SYNE1: variants seen among roughly 807,000 people sequenced by gnomAD.
SYNE1 encodes spectrin repeat containing nuclear envelope protein 1.
A neutral mutation model predicts 1,111.0 loss-of-function variants in SYNE1; 616 were observed. The ratio of observed to expected loss-of-function variants is 0.55; its 90% CI spans 0.52 to 0.59. SYNE1 has a LOEUF of 0.59. SYNE1 is among the 20% of genes least tolerant of loss of function. The pLI is 0.00. For synonymous variants in SYNE1, 3,855 were observed against 3,825.8 expected, an observed-to-expected ratio of 1.01 and a Z score of -0.28; for missense variants, 10,006 against 10,417.0, an observed-to-expected ratio of 0.96 and a Z score of 1.72.
chr6:152,562,750 A>G (rs1340142930), intron 3 of SYNE1, among the ~76,000 whole-genome samples: 1 of 152,226 alleles, frequency 6.6e-6, no homozygotes. Context: ...ATGTATACCT[A>G]TGTAACAAAC....
chr6:152,386,960 T>A, intron 54 of SYNE1, 112 bp downstream of exon 54: 2 of 940,472 alleles, frequency 2.1e-6, no homozygotes, highest in Non-Finnish European at 3.0e-6. Context: ...AACAATTTAA[T>A]CCACAGTTTC....
At position 152,244,593 on chromosome 6, in the gene SYNE1, G is replaced by A. The variant is rs369420729; in HGVS notation, c.19636C>T (p.Arg6546Cys). Residue 6546 changes from arginine to cysteine, a missense_variant, in exon 106 of 146, where the codon CGT (arginine) becomes TGT (cysteine). Around this residue, in one of 7 missense-constraint regions of SYNE1, gnomAD observed 2,182 missense variants for 2,287.8 expected, o/e 0.95. Coordinates refer to ENST00000367255, the MANE Select transcript of SYNE1 (RefSeq NM_182961.4). ...TGCTCGACCTGTAGCTTGTCACCAC[G>A]CCTCTTTAATTCAATGATTCCTGCA... ...FDAGIIELKRRGDKLQVEQPS... is the reference protein window; with the variant it reads ...FDAGIIELKRCGDKLQVEQPS... 1.3e-5 allele frequency: 21 copies of A among 1,613,906 alleles called. No individual in the cohort carries two copies. Among genetic ancestry groups the A allele is most frequent in the Admixed American group, 1.7e-5 (1 of 59,978 alleles).
At chr6:152,352,950 C>T (rs751411753) in intron 69 of SYNE1, among the ~76,000 whole-genome samples, 4 of 152,176 alleles carry the variant, frequency 2.6e-5, no homozygotes, top group Non-Finnish European at 2.9e-5. Context: ...TGAGTTTAAA[C>T]TCTTTACAAG....
chr6:152,281,500 C>T (rs2094026357), intron 97 of SYNE1, among the ~76,000 whole-genome samples: 1 of 152,150 alleles, frequency 6.6e-6, no homozygotes, highest in Non-Finnish European at 1.5e-5. Context: ...ACTGATTCTC[C>T]CCATTGGCTT....
At chr6:152,428,457 G>A in intron 36 of SYNE1, 65 bp from the exon 37 acceptor site, 1 of 1,550,538 alleles carries the variant, frequency 6.4e-7, no homozygotes, top group Non-Finnish European at 8.9e-7. Flanking sequence ...ATTTTTCTTT[G>A]ACACCGATCA....
chr6:152,324,445 C>G (rs1286714935), intron 81 of SYNE1, among the ~76,000 whole-genome samples: 1 of 151,816 alleles, frequency 6.6e-6, no homozygotes, highest in Non-Finnish European at 1.5e-5. Flanking sequence ...AATTTCTGCT[C>G]ATTTTCAGGT....
intron 3 of SYNE1, among the ~76,000 whole-genome samples, chr6:152,623,034 T>C (rs1032933664): frequency 1.3e-5 from 2 of 152,006 alleles, no homozygotes; most frequent in African/African-American, 4.8e-5. Flanking sequence ...TTTTTTCATA[T>C]GAAAGCCAAG....
intron 145 of SYNE1, chr6:152,125,343 G>A: frequency 6.5e-7 from 1 of 1,550,222 alleles, no homozygotes; most frequent in Non-Finnish European, 8.7e-7. Flanking sequence ...GTTTCCTCGT[G>A]TCTAAAGCCT....
At chr6:152,333,631 A>G (rs2096302646) in intron 77 of SYNE1, among the ~76,000 whole-genome samples, 2 of 151,954 alleles carry the variant, frequency 1.3e-5, no homozygotes, top group African/African-American at 4.8e-5. Context: ...TATACCTAAG[A>G]CATTTTATTT....
chr6:152,318,430 C>A, intron 85 of SYNE1, 167 bp from the exon 86 acceptor site: 1 of 761,842 alleles, frequency 1.3e-6, no homozygotes, highest in Non-Finnish European at 2.2e-6. Flanking sequence ...AAAGGCAGGG[C>A]AGGATATGTT....
rs1295935097 is a variant in SYNE1 at position 152,430,521 on chromosome 6, A to C, written c.4650T>G (p.His1550Gln). The change falls in exon 35 of 146, where the codon CAT becomes CAG. Residue 1550 changes from histidine (H) to glutamine (Q), a missense_variant. Around this residue, in one of 7 missense-constraint regions of SYNE1, gnomAD observed 1,971 missense variants for 2,084.1 expected, o/e 0.95. Coordinates refer to ENST00000367255, the MANE Select transcript of SYNE1 (RefSeq NM_182961.4). ...CTTCAAACTTTTGCTGCTGAGATAA[A>C]TGTCCCAGGATTGTTCCTTCCAGAC... The part of the protein sequence containing the change: ...AQCLEGTILG[H>Q]LSQQQKFEEN... The C allele has an allele frequency of 6.2e-7, 1 of 1,614,110 alleles. No individual in the cohort carries two copies. Among genetic ancestry groups the C allele is most frequent in the Non-Finnish European group, 8.5e-7 (1 of 1,179,984 alleles).
Position 152,465,301 on chromosome 6 carries a change from T to C in SYNE1, c.1889A>G (p.Glu630Gly). 1 of 1,613,822 alleles carries C rather than the reference T, an allele frequency of 6.2e-7. No homozygotes were observed. Among genetic ancestry groups the C allele is most frequent in the African/African-American group, 1.3e-5 (1 of 75,024 alleles). The stretch of plus-strand genomic sequence containing the variant: ...TTGATTGAGCATTTTTTCAGCATCC[T>C]CTAGCCAGGCTTGCAGACTAGCCAC... ...NTVASLQAWL[E>G]DAEKMLNQSE... The change falls in exon 18 of 146, where the codon GAG (glutamate) becomes GGG (glycine). Residue 630 changes from glutamate to glycine, a missense_variant. Coordinates refer to ENST00000367255, the MANE Select transcript of SYNE1 (RefSeq NM_182961.4).
At chr6:152,164,989 G>A (rs2153034099) in intron 130 of SYNE1, among the ~76,000 whole-genome samples, 1 of 152,306 alleles carries the variant, frequency 6.6e-6, no homozygotes, top group African/African-American at 2.4e-5. Context: ...CTCTAGGTTT[G>A]TGATACATTT....
chr6:152,285,170 C>A (rs2094259139), intron 95 of SYNE1, among the ~76,000 whole-genome samples: 1 of 151,968 alleles, frequency 6.6e-6, no homozygotes, highest in Non-Finnish European at 1.5e-5. Context: ...CATTATGGCT[C>A]AAGCTGGAGA....
intron 3 of SYNE1, among the ~76,000 whole-genome samples, chr6:152,597,978 G>A (rs1400299436): frequency 6.6e-6 from 1 of 152,112 alleles, no homozygotes; most frequent in Non-Finnish European, 1.5e-5. Flanking sequence ...TCACTGCATT[G>A]ATGAAGTGGT....
At chr6:152,563,053 T>TACACACAC (rs34506864) in intron 3 of SYNE1, among the ~76,000 whole-genome samples, 222 of 148,900 alleles carry the variant, frequency 1.5e-3, no homozygotes, top group Admixed American at 0.012. Flanking sequence ...GGAAAAAGAG[T>TACACACAC]ACACACACAC....
chr6:152,218,221 G>A, intron 121 of SYNE1, 36 bp downstream of exon 121: 7 of 1,612,684 alleles, frequency 4.3e-6, no homozygotes, highest in Non-Finnish European at 5.9e-6. Context: ...AAGACAGATG[G>A]TAAAAGATCT....
intron 2 of SYNE1, among the ~76,000 whole-genome samples, chr6:152,634,408 T>C (rs1482604700): frequency 6.6e-6 from 1 of 152,236 alleles, no homozygotes; most frequent in Non-Finnish European, 1.5e-5. Flanking sequence ...TCAGTTTCCC[T>C]TCTATTCAAG....
chr6:152,440,194 T>C (rs940707290), intron 32 of SYNE1, among the ~76,000 whole-genome samples: 1 of 152,196 alleles, frequency 6.6e-6, no homozygotes, highest in Non-Finnish European at 1.5e-5. Context: ...AACTCCCATA[T>C]GCCCATATGC....
Sources: gnomAD v4.1 joint callset for allele counts (sites outside exome capture counted in the v4.1 genomes callset) on GRCh38, gnomAD v4.1.1 for gene constraint, gnomAD v4.1.1 regional missense constraint, MANE v1.5 for transcripts, NCBI Gene and HGNC (gene_info 2026-07-23, HGNC 2026-07-21) for gene names.